Variants in NEK1 observed in about 807,000 individuals in gnomAD.
NEK1 encodes NIMA related kinase 1.
Under a neutral mutation model 182.1 loss-of-function variants are expected in NEK1, and 137 were observed. The observed-to-expected ratio is 0.75, with a 90% CI of 0.65 to 0.87. NEK1 has a LOEUF of 0.87. Ranked by LOEUF, NEK1 falls within the 40% of genes least tolerant of loss-of-function variation. The pLI is 0.00. For missense variants in NEK1, 1,391 were observed against 1,494.4 expected, an observed-to-expected ratio of 0.93 and a Z score of 1.14; for synonymous variants, 513 against 492.2, an observed-to-expected ratio of 1.04 and a Z score of -0.56.
intron 35 of NEK1, among the ~76,000 whole-genome samples, chr4:169,397,348 C>T (rs1202486485): frequency 2.6e-5 from 4 of 152,122 alleles, no homozygotes; most frequent in African/African-American, 9.7e-5. Flanking sequence ...AATATGAAAT[C>T]TATATCTAGT....
At chr4:169,569,777 G>A (rs1202373343) in intron 12 of NEK1, among the ~76,000 whole-genome samples, 1 of 152,216 alleles carries the variant, frequency 6.6e-6, no homozygotes, top group Admixed American at 6.5e-5. Flanking sequence ...TGCAGACGGA[G>A]TCTCGTTCAC....
At chr4:169,579,617 T>G (rs1766269628) in intron 11 of NEK1, among the ~76,000 whole-genome samples, 1 of 152,084 alleles carries the variant, frequency 6.6e-6, no homozygotes, top group African/African-American at 2.4e-5. Flanking sequence ...GGTGAAACCC[T>G]GTCTCTACTA....
chr4:169,450,220 G>C (rs912634299), intron 27 of NEK1, among the ~76,000 whole-genome samples: 3 of 152,210 alleles, frequency 2.0e-5, no homozygotes, highest in African/African-American at 7.2e-5. Flanking sequence ...ACCTGAAAGT[G>C]ATGGGGAGAA....
intron 5 of NEK1, among the ~76,000 whole-genome samples, chr4:169,592,121 C>T (rs549030208): frequency 6.6e-6 from 1 of 151,864 alleles, no homozygotes; most frequent in Non-Finnish European, 1.5e-5. Flanking sequence ...GGAAAAGAAG[C>T]CTTTTTGTCA....
intron 29 of NEK1, among the ~76,000 whole-genome samples, chr4:169,429,085 AC>A (rs11298992): frequency 0.82 from 124,307 of 151,930 alleles, 51,951 homozygotes; most frequent in South Asian, 0.92. Flanking sequence ...TGGGATGCAA[AC>A]CCGTGTACAC....
intron 19 of NEK1, among the ~76,000 whole-genome samples, chr4:169,519,617 T>G (rs1376362816): frequency 4.0e-5 from 4 of 100,108 alleles, no homozygotes; most frequent in East Asian, 5.0e-4. Flanking sequence ...GTCTTTACAT[T>G]TTGGCATGAT....
At chr4:169,567,341 T>A (rs1048671363) in intron 12 of NEK1, among the ~76,000 whole-genome samples, 1 of 152,180 alleles carries the variant, frequency 6.6e-6, no homozygotes, top group Non-Finnish European at 1.5e-5. Flanking sequence ...AAGTGTGCAG[T>A]TCTGTGGCAT....
At chr4:169,568,712 ATC>A (rs531395063) in intron 12 of NEK1, among the ~76,000 whole-genome samples, 69 of 152,134 alleles carry the variant, frequency 4.5e-4, no homozygotes, top group Non-Finnish European at 7.8e-4. Flanking sequence ...GGCCGGGTGG[ATC>A]ACTTGAGGTC....
intron 5 of NEK1, among the ~76,000 whole-genome samples, chr4:169,596,658 C>G (rs184417155): frequency 7.2e-4 from 110 of 152,284 alleles, no homozygotes; most frequent in African/African-American, 2.6e-3. Context: ...ATCTGTTTCA[C>G]AGGTCTTCCT....
chr4:169,407,074 A>G (rs1732774218), intron 31 of NEK1, among the ~76,000 whole-genome samples: 1 of 152,110 alleles, frequency 6.6e-6, no homozygotes, highest in Non-Finnish European at 1.5e-5. Flanking sequence ...GAAAACTGGG[A>G]GAAGTGTTTA....
chr4:169,429,624 T>A (rs1737049157), intron 29 of NEK1, among the ~76,000 whole-genome samples: 1 of 152,050 alleles, frequency 6.6e-6, no homozygotes, highest in Non-Finnish European at 1.5e-5. Context: ...TTTTACTCAC[T>A]CTTCTTTGAG....
At chr4:169,467,295 G>C (rs781116164) in intron 26 of NEK1, among the ~76,000 whole-genome samples, 1 of 151,802 alleles carries the variant, frequency 6.6e-6, no homozygotes, top group Non-Finnish European at 1.5e-5. Context: ...ACTACACGGG[G>C]GATTCAACAC....
chr4:169,453,459 G>C (rs1003266408), intron 27 of NEK1, among the ~76,000 whole-genome samples: 23 of 152,264 alleles, frequency 1.5e-4, no homozygotes, highest in Middle Eastern at 3.4e-3. Flanking sequence ...CCATAAACTG[G>C]CCCCAAAACT....
chr4:169,511,268 G>A (rs1169688633), intron 19 of NEK1, among the ~76,000 whole-genome samples: 1 of 152,186 alleles, frequency 6.6e-6, no homozygotes. Context: ...TAGCTTATCA[G>A]TATTTGAGCT....
chr4:169,587,321 T>C (rs1296736646), intron 9 of NEK1, among the ~76,000 whole-genome samples: 2 of 151,894 alleles, frequency 1.3e-5, no homozygotes, highest in Admixed American at 1.3e-4. Context: ...ATTTCTGTCA[T>C]TAGAAATAAT....
At chr4:169,439,961 C>T (rs1349005370) in intron 27 of NEK1, among the ~76,000 whole-genome samples, 1 of 151,176 alleles carries the variant, frequency 6.6e-6, no homozygotes, top group Non-Finnish European at 1.5e-5. Flanking sequence ...ATTCTCCTGC[C>T]TCAGCCTCCC....
chr4:169,493,858 A>G (rs1191258331), intron 23 of NEK1, among the ~76,000 whole-genome samples: 1 of 152,246 alleles, frequency 6.6e-6, no homozygotes, highest in African/African-American at 2.4e-5. Context: ...AGGAAACTGG[A>G]AAACATATTT....
intron 10 of NEK1, 126 bp downstream of exon 10, chr4:169,585,223 C>T (rs1199295203): frequency 9.5e-6 from 6 of 628,650 alleles, no homozygotes; most frequent in Non-Finnish European, 1.7e-5. Context: ...GAAAGTGACA[C>T]TAATGTAGTT....
intron 19 of NEK1, among the ~76,000 whole-genome samples, chr4:169,534,278 A>G (rs1380163792): frequency 3.3e-5 from 5 of 152,190 alleles, no homozygotes; most frequent in Non-Finnish European, 5.9e-5. Flanking sequence ...GATCCTTGAG[A>G]GAAGGGAAAC....
Sources: gnomAD v4.1 joint callset for allele counts (sites outside exome capture counted in the v4.1 genomes callset) on GRCh38, gnomAD v4.1.1 for gene constraint, MANE v1.5 for transcripts, NCBI Gene and HGNC (gene_info 2026-07-23, HGNC 2026-07-21) for gene names.